PDGFRA: variants seen among roughly 807,000 people sequenced by gnomAD.
The protein encoded by PDGFRA is platelet-derived growth factor receptor alpha.
Under a neutral mutation model 121.5 loss-of-function variants are expected in PDGFRA, and 25 were observed. The observed-to-expected ratio is 0.21, with a 90% CI of 0.15 to 0.29. PDGFRA has a LOEUF of 0.29. PDGFRA is among the 10% of genes least tolerant of loss of function. The pLI is 1.00. For synonymous variants in PDGFRA, 463 were observed against 494.8 expected (o/e 0.94, Z 0.85); for missense variants, 1,008 against 1,345.1 (o/e 0.75, Z 3.92).
chr4:54,272,413 C>T lies in PDGFRA; in HGVS notation c.1257C>T (p.Asp419=), dbSNP rs1577722367. ...TTGCAGTTCCTTCATCCATTCTGGA[C>T]TTGGTCGATGATCACCATGGCTCAA... ...LLTQVPSSIL[D]LVDDHHGSTG... Residue 419 remains aspartate, a synonymous_variant, in exon 9 of 23, where the codon GAC becomes GAT. Transcript: ENST00000257290. The T allele has an allele frequency of 6.2e-7, 1 of 1,614,048 alleles. No individual in the cohort carries two copies. The highest frequency in any genetic ancestry group is 8.5e-7 in the Non-Finnish European group (1 of 1,179,994).
intron 1 of PDGFRA, among the ~76,000 whole-genome samples, chr4:54,258,011 A>G (rs907161297): frequency 4.6e-5 from 7 of 152,170 alleles, no homozygotes; most frequent in African/African-American, 1.7e-4. Flanking sequence ...CTTTAACATG[A>G]AAATGAATGA....
chr4:54,287,544 A>G lies in PDGFRA; in HGVS notation c.2674+3A>G, dbSNP rs765356009. ...GCTCTGGGAGATCTTTTCCCTTGGT[A>G]TGGGCCTGACATTGCTGCTTATTTG... On this transcript the variant is annotated splice_donor_region_variant and intron_variant, in intron 19 of 22. Coordinates refer to ENST00000257290, the MANE Select transcript of PDGFRA (RefSeq NM_006206.6). The G allele has an allele frequency of 1.6e-5, 18 of 1,153,372 alleles. No homozygotes were observed. In the South Asian group the frequency reaches 2.0e-4, roughly 13 times the overall value. The allele number at this position is 1,153,372 out of a possible 1,614,324, so 71.4% of individuals were successfully genotyped here.
Position 54,295,140 on chromosome 4 carries a change from A to C in PDGFRA, c.3138A>C (p.Glu1046Asp). 6.2e-7 allele frequency: 1 copy of C among 1,614,078 alleles called. No homozygotes were observed. The highest frequency in any genetic ancestry group is 8.5e-7 in the Non-Finnish European group (1 of 1,179,990). The change falls in exon 23 of 23, where the codon GAA becomes GAC. Residue 1046 changes from glutamate to aspartate, a missense_variant. Transcript: ENST00000257290. Reference sequence around the variant, plus strand: ...CCTCCTCCAGCTCGCAGACCTCTGAAGAGAGTGCCATTGAGACGGGTTCCA... The same window carrying C: ...CCTCCTCCAGCTCGCAGACCTCTGACGAGAGTGCCATTGAGACGGGTTCCA... The part of the protein sequence containing the change: ...KRNRHSSQTS[E>D]ESAIETGSSS...
chr4:54,281,118 A>G (rs1724057804), intron 16 of PDGFRA, among the ~76,000 whole-genome samples: 1 of 152,188 alleles, frequency 6.6e-6, no homozygotes. Context: ...GGTTAAATTG[A>G]TTTATAAACT....
intron 1 of PDGFRA, among the ~76,000 whole-genome samples, chr4:54,249,708 C>A (rs1037374745): frequency 3.3e-5 from 5 of 152,044 alleles, no homozygotes; most frequent in African/African-American, 1.2e-4. Flanking sequence ...ATGGGTGCAG[C>A]ACACCAGCAT....
chr4:54,235,279 T>A (rs1384321248), intron 1 of PDGFRA, among the ~76,000 whole-genome samples: 2 of 151,988 alleles, frequency 1.3e-5, no homozygotes, highest in Non-Finnish European at 2.9e-5. Context: ...GAGGGTGGGG[T>A]GAAATTCAAT....
At chr4:54,237,695 C>T (rs777723973) in intron 1 of PDGFRA, among the ~76,000 whole-genome samples, 2 of 152,332 alleles carry the variant, frequency 1.3e-5, no homozygotes, top group South Asian at 2.1e-4. Context: ...TCAGGATCCT[C>T]GGAGGCCATC....
chr4:54,268,003 G>A (rs2110268702), intron 7 of PDGFRA, among the ~76,000 whole-genome samples: 1 of 152,312 alleles, frequency 6.6e-6, no homozygotes, highest in South Asian at 2.1e-4. Context: ...GATTCAGCTA[G>A]GGTGGAAGAA....
intron 12 of PDGFRA, among the ~76,000 whole-genome samples, chr4:54,275,298 A>G (rs1027944235): frequency 2.0e-5 from 3 of 152,224 alleles, no homozygotes; most frequent in African/African-American, 7.2e-5. Context: ...TCTGTGACTA[A>G]AAATGAGCAG....
intron 1 of PDGFRA, among the ~76,000 whole-genome samples, chr4:54,233,129 G>T (rs1720789742): frequency 6.6e-6 from 1 of 152,088 alleles, no homozygotes; most frequent in African/African-American, 2.4e-5. Flanking sequence ...GCAGAGCGTC[G>T]TGCCTGGGGC....
At chr4:54,248,194 T>A (rs1208997886) in intron 1 of PDGFRA, among the ~76,000 whole-genome samples, 5 of 152,308 alleles carry the variant, frequency 3.3e-5, no homozygotes, top group African/African-American at 9.6e-5. Flanking sequence ...ATGACTTTCT[T>A]CACAGAATTG....
At position 54,229,318 on chromosome 4, in the gene PDGFRA, A is replaced by C. The variant is rs1720529387; in HGVS notation, c.-110A>C. The stretch of plus-strand genomic sequence containing the variant: ...ATTACTGTTGGAGCTACAGGGAGAG[A>C]AACAGAGGAGGAGACTGCAAGAGAT... On this transcript the variant is annotated 5_prime_UTR_variant, in exon 1 of 23. Coordinates refer to ENST00000257290, the MANE Select transcript of PDGFRA (RefSeq NM_006206.6). 1 of 387,298 alleles carries C rather than the reference A, an allele frequency of 2.6e-6. No homozygotes were observed. Among genetic ancestry groups the C allele is most frequent in the Non-Finnish European group, 4.5e-6 (1 of 223,022 alleles). 24.0% of individuals were successfully genotyped at this position (387,298 alleles called of 1,614,324 possible). A position where few individuals can be genotyped will look rare whatever the true frequency, so the allele number is the denominator to read the frequency against.
At chr4:54,258,919 A>G (rs927372307) in intron 2 of PDGFRA, 102 bp downstream of exon 2, 10 of 910,270 alleles carry the variant, frequency 1.1e-5, no homozygotes, top group African/African-American at 3.3e-5. Flanking sequence ...ACACAGTCCA[A>G]AAGAGTGAAA....
intron 4 of PDGFRA, 177 bp downstream of exon 4, chr4:54,264,104 C>G: frequency 3.2e-6 from 2 of 624,744 alleles, no homozygotes; most frequent in Non-Finnish European, 5.5e-6. Flanking sequence ...CTTAAAATTA[C>G]TAAAGGCCAA....
chr4:54,256,602 T>C (rs907637998), intron 1 of PDGFRA, among the ~76,000 whole-genome samples: 4 of 151,436 alleles, frequency 2.6e-5, no homozygotes, highest in Admixed American at 6.6e-5. Context: ...TGGAGTGCAA[T>C]GGTGCGATCT....
At chr4:54,249,198 A>G (rs1721895076) in intron 1 of PDGFRA, among the ~76,000 whole-genome samples, 1 of 152,204 alleles carries the variant, frequency 6.6e-6, no homozygotes, top group African/African-American at 2.4e-5. Flanking sequence ...ACTGTAAACT[A>G]GTTCAACCCT....
chr4:54,258,976 C>T (rs1722533911), intron 2 of PDGFRA, among the ~76,000 whole-genome samples, 159 bp downstream of exon 2: 1 of 152,174 alleles, frequency 6.6e-6, no homozygotes, highest in African/African-American at 2.4e-5. Flanking sequence ...CACAAACCTT[C>T]AGTTCCCTTT....
At chr4:54,255,797 G>T (rs574545258) in intron 1 of PDGFRA, among the ~76,000 whole-genome samples, 2 of 151,794 alleles carry the variant, frequency 1.3e-5, no homozygotes, top group Non-Finnish European at 1.5e-5. Context: ...GAGCCACTGC[G>T]CCCTTCCCTC....
rs5858262 is a variant in PDGFRA, at chr4:54,278,223, TAAA to T, written c.2003-111_2003-109del. On this transcript the variant is annotated intron_variant, in intron 14 of 22. Coordinates refer to ENST00000257290, the MANE Select transcript of PDGFRA (RefSeq NM_006206.6). ...GTCATAGCCATTCATGGCTCTTTATTAAAAAAAAAAAAAAAAAAAAAAAAAAAA... is the reference window on the plus strand; with the variant it reads ...GTCATAGCCATTCATGGCTCTTTATTAAAAAAAAAAAAAAAAAAAAAAAAA... 0.14 allele frequency: 73,276 copies of T among 540,290 alleles called. 3,703 individuals are homozygous for T. Among genetic ancestry groups the T allele is most frequent in the African/African-American group, 0.34 (13,469 of 39,162 alleles). 33.5% of individuals were successfully genotyped at this position (540,290 alleles called of 1,614,324 possible). A position where few individuals can be genotyped will look rare whatever the true frequency, so the allele number is the denominator to read the frequency against.
Sources: gnomAD v4.1 joint callset for allele counts (sites outside exome capture counted in the v4.1 genomes callset) on GRCh38, gnomAD v4.1.1 for gene constraint, MANE v1.5 for transcripts, NCBI Gene and HGNC (gene_info 2026-07-23, HGNC 2026-07-21) for gene names.